BLK: variants seen among roughly 807,000 people sequenced by gnomAD.
The protein encoded by BLK is tyrosine-protein kinase Blk.
In BLK, 64 loss-of-function variants were observed where a neutral mutation model predicts 61.8. The observed-to-expected ratio is 1.03, with a 90% CI of 0.85 to 1.27. The LOEUF (loss-of-function observed/expected upper bound fraction) is 1.27, where lower values mean the gene tolerates loss of function less well. BLK is among the 50% of genes most tolerant of loss of function. BLK has a pLI of 0.00. For missense variants in BLK, 853 were observed against 660.5 expected (o/e 1.29, Z -3.19); for synonymous variants, 351 against 272.0 (o/e 1.29, Z -2.86).
Position 11,543,030 on chromosome 8 carries a change from C to T in BLK, c.-1-194C>T, listed in dbSNP as rs565733951. The stretch of plus-strand genomic sequence containing the variant: ...ATGCAGTGCTTTCTGCTGTATGGGC[C>T]CCCGAAAAAAGATGGACACCCATTT... On this transcript the variant is annotated intron_variant, in intron 1 of 12. Coordinates refer to ENST00000259089, the MANE Select transcript of BLK (RefSeq NM_001715.3). 3.3e-5 allele frequency among the ~76,000 whole-genome samples: 5 copies of T among 152,148 alleles called. No homozygotes were observed. The East Asian group carries it at 9.7e-4, about 29-fold the overall frequency.
chr8:11,548,006 G>T (rs765333728), intron 3 of BLK, 26 bp from the exon 4 acceptor site: 2 of 1,602,340 alleles, frequency 1.2e-6, no homozygotes, highest in Non-Finnish European at 8.6e-7. Flanking sequence ...CCTGAGTGGT[G>T]GTCATCTCTC....
chr8:11,555,004 C>A, intron 7 of BLK, 115 bp downstream of exon 7: 2 of 1,477,860 alleles, frequency 1.4e-6, no homozygotes, highest in Non-Finnish European at 1.8e-6. Flanking sequence ...GAAAGATTAT[C>A]CCAAAGTTAG....
In BLK at chr8:11,555,469, G is replaced by T. The variant is rs565575821; in HGVS notation, c.757G>T (p.Gly253Cys). The part of the protein sequence containing the change: ...LVRKLGSGQF[G>C]EVWMGYYKNN... ...CAGGAAACTCGGGTCTGGACAATTC[G>T]GCGAAGTCTGGATGGGTGAGTGTGT... The change falls in exon 8 of 13, where the codon GGC becomes TGC. Residue 253 changes from glycine (G) to cysteine (C), a missense_variant. Gly to Cys is a radical substitution (Grantham distance 159). Transcript: ENST00000259089. 7.4e-6 allele frequency: 12 copies of T among 1,613,986 alleles called. No individual in the cohort carries two copies. Among genetic ancestry groups the T allele is most frequent in the Non-Finnish European group, 1.0e-5 (12 of 1,180,018 alleles).
At chr8:11,545,229 T>C (rs751494975) in intron 2 of BLK, among the ~76,000 whole-genome samples, 5 of 152,164 alleles carry the variant, frequency 3.3e-5, no homozygotes, top group Non-Finnish European at 5.9e-5. Context: ...TCTTCTGTCA[T>C]GAGGGTTAGT....
intron 1 of BLK, among the ~76,000 whole-genome samples, chr8:11,502,214 T>C (rs1397310115): frequency 2.6e-5 from 4 of 152,230 alleles, no homozygotes; most frequent in African/African-American, 7.2e-5. Context: ...ATAACCTTTG[T>C]TTTAATAGAA....
At chr8:11,546,518 C>G (rs1800651757) in intron 3 of BLK, among the ~76,000 whole-genome samples, 2 of 152,144 alleles carry the variant, frequency 1.3e-5, no homozygotes, top group Non-Finnish European at 2.9e-5. Context: ...CTCCCAGTCA[C>G]TTCGAGAGTC....
chr8:11,497,658 G>A (rs150277424), intron 1 of BLK, among the ~76,000 whole-genome samples: 70 of 152,304 alleles, frequency 4.6e-4, no homozygotes, highest in African/African-American at 1.6e-3. Context: ...AACCTTAAAT[G>A]AAAATCAAGG....
chr8:11,520,896 C>G (rs1047154151), intron 1 of BLK, among the ~76,000 whole-genome samples: 1 of 151,914 alleles, frequency 6.6e-6, no homozygotes, highest in Non-Finnish European at 1.5e-5. Context: ...AATGCCAATT[C>G]TCCAAAAATT....
At chr8:11,512,683 A>T (rs894792160) in intron 1 of BLK, among the ~76,000 whole-genome samples, 12 of 110,982 alleles carry the variant, frequency 1.1e-4, no homozygotes, top group Non-Finnish European at 1.9e-4. Context: ...TGTTTGTTTG[A>T]GACAGAGTCT....
chr8:11,552,843 T>C (rs1800971656), intron 6 of BLK: 2 of 152,314 alleles, frequency 1.3e-5, no homozygotes, highest in African/African-American at 4.8e-5. Flanking sequence ...ATAGGCCATA[T>C]GGGACCAGGG....
At chr8:11,552,818 C>G (rs1050632990) in intron 6 of BLK, 1 of 152,272 alleles carries the variant, frequency 6.6e-6, no homozygotes, top group Non-Finnish European at 1.5e-5. Context: ...CCCAGGAAGC[C>G]AGTCCAAGCT....
intron 1 of BLK, among the ~76,000 whole-genome samples, chr8:11,525,937 G>T (rs1244704985): frequency 6.6e-6 from 1 of 152,064 alleles, no homozygotes; most frequent in East Asian, 1.9e-4. Flanking sequence ...CAGAGACAGG[G>T]TTTCACCGTG....
chr8:11,515,897 A>T (rs568687545), intron 1 of BLK, among the ~76,000 whole-genome samples: 3 of 152,354 alleles, frequency 2.0e-5, no homozygotes, highest in African/African-American at 4.8e-5. Flanking sequence ...ATCATATAGA[A>T]TAGAGAATAC....
intron 1 of BLK, among the ~76,000 whole-genome samples, chr8:11,502,640 C>G (rs896413182): frequency 2.6e-5 from 4 of 152,198 alleles, no homozygotes; most frequent in African/African-American, 9.7e-5. Context: ...ATTCAGCTCA[C>G]AAAATTCCTG....
chr8:11,533,651 G>C (rs954194293), intron 1 of BLK, among the ~76,000 whole-genome samples: 1 of 139,184 alleles, frequency 7.2e-6, no homozygotes, highest in African/African-American at 2.6e-5. Context: ...AGGTGGAGGA[G>C]ACGGAGGGGG....
At chr8:11,555,011 T>G (rs576401915) in intron 7 of BLK, 122 bp downstream of exon 7, 3 of 1,453,960 alleles carry the variant, frequency 2.1e-6, no homozygotes, top group Non-Finnish European at 2.8e-6. Context: ...TATCCCAAAG[T>G]TAGGCCTAAG....
intron 1 of BLK, among the ~76,000 whole-genome samples, chr8:11,496,747 G>A (rs1798373206): frequency 6.6e-6 from 1 of 152,206 alleles, no homozygotes; most frequent in African/African-American, 2.4e-5. Context: ...GGGGAGTACA[G>A]AATTCCAGCC....
intron 1 of BLK, among the ~76,000 whole-genome samples, chr8:11,522,776 T>C (rs994310415): frequency 6.6e-6 from 1 of 151,700 alleles, no homozygotes; most frequent in African/African-American, 2.4e-5. Flanking sequence ...GTTACATACA[T>C]TATGAAGCCA....
intron 1 of BLK, among the ~76,000 whole-genome samples, chr8:11,541,709 G>C (rs1268601255): frequency 1.3e-5 from 2 of 152,094 alleles, no homozygotes; most frequent in Admixed American, 6.5e-5. Flanking sequence ...TGTTAGCCAG[G>C]CTGGTCTCGA....
Sources: allele counts gnomAD v4.1 joint callset (sites outside exome capture counted in the v4.1 genomes callset), GRCh38; gene constraint gnomAD v4.1.1; transcripts MANE v1.5; gene names NCBI Gene and HGNC (gene_info 2026-07-23, HGNC 2026-07-21).